NRXN3: variants seen among roughly 807,000 people sequenced by gnomAD.
The protein encoded by NRXN3 is neurexin 3.
A neutral mutation model predicts 137.6 loss-of-function variants in NRXN3; 32 were observed. The observed-to-expected ratio is 0.23, with a 90% CI of 0.18 to 0.31. The LOEUF (loss-of-function observed/expected upper bound fraction) is 0.31, where lower values mean the gene tolerates loss of function less well. Ranked by LOEUF, NRXN3 falls within the 10% of genes least tolerant of loss-of-function variation. NRXN3 has a pLI of 1.00. For missense variants in NRXN3, 1,574 were observed against 2,062.5 expected, an observed-to-expected ratio of 0.76 and a Z score of 4.59; for synonymous variants, 798 against 784.5, an observed-to-expected ratio of 1.02 and a Z score of -0.29.
intron 10 of NRXN3, among the ~76,000 whole-genome samples, chr14:78,887,991 T>A (rs1424713276): frequency 6.6e-6 from 1 of 152,040 alleles, no homozygotes; most frequent in Non-Finnish European, 1.5e-5. Flanking sequence ...ATTTATTAAA[T>A]CATCTGGGTA....
At chr14:79,276,315 T>C (rs536701997) in intron 15 of NRXN3, among the ~76,000 whole-genome samples, 1 of 152,162 alleles carries the variant, frequency 6.6e-6, no homozygotes, top group South Asian at 2.1e-4. Flanking sequence ...ATGAAAAAAT[T>C]AACAGTGGGG....
At chr14:78,231,804 A>C (rs1371517051) in intron 1 of NRXN3, among the ~76,000 whole-genome samples, 2 of 152,244 alleles carry the variant, frequency 1.3e-5, no homozygotes, top group South Asian at 4.1e-4. Flanking sequence ...CGCGTTGCCC[A>C]GAGCAAGTGT....
At chr14:79,509,605 A>G (rs1601431494) in intron 16 of NRXN3, among the ~76,000 whole-genome samples, 1 of 151,516 alleles carries the variant, frequency 6.6e-6, no homozygotes, top group East Asian at 1.9e-4. Context: ...ATGTGTATAT[A>G]TGTATATATG....
rs149770749 is a variant in NRXN3 at position 79,184,337 on chromosome 14, G to T, written c.3262+196196G>T. On this transcript the variant is annotated intron_variant, in intron 15 of 20. Coordinates refer to ENST00000335750, the MANE Select transcript of NRXN3 (RefSeq NM_001330195.2). Reference sequence around the variant, plus strand: ...ATGATTCATGCTTATTGGTGAAAAAGAATAAGATATAAAGAAAAAGATTCC... The same window carrying T: ...ATGATTCATGCTTATTGGTGAAAAATAATAAGATATAAAGAAAAAGATTCC... Among the ~76,000 whole-genome samples the T allele has an allele frequency of 5.3e-4, 80 of 152,272 alleles. 1 individual carries two copies. The highest frequency in any genetic ancestry group is 1.9e-3 in the African/African-American group (79 of 41,566).
chr14:79,303,236 T>C (rs2085450002), intron 15 of NRXN3, among the ~76,000 whole-genome samples: 2 of 152,058 alleles, frequency 1.3e-5, no homozygotes, highest in African/African-American at 2.4e-5. Flanking sequence ...TGTCTAGATC[T>C]TCTTTGGAAA....
At chr14:78,987,019 C>CAAAAAAAAAAAAAAAAAAAAAAAAA (rs36081362) in intron 14 of NRXN3, among the ~76,000 whole-genome samples, 1 of 54,102 alleles carries the variant, frequency 1.8e-5, no homozygotes. Context: ...GAGACTGTCT[C>CAAAAAAAAAAAAAAAAAAAAAAAAA]AAAAAAAAAA....
At chr14:79,003,153 T>G (rs2099545209) in intron 15 of NRXN3, among the ~76,000 whole-genome samples, 1 of 152,154 alleles carries the variant, frequency 6.6e-6, no homozygotes, top group South Asian at 2.1e-4. Flanking sequence ...ATATCCTGAA[T>G]TTTTAAGGCA....
At position 79,454,090 on chromosome 14, in the gene NRXN3, T is replaced by G. The variant is rs142677824; in HGVS notation, c.3263-13131T>G. ...TCTTTGAAAAATTGATATGGAACTT[T>G]GTTTTTTTTTTTAAGACAGAGTCTC... On this transcript the variant is annotated intron_variant, in intron 15 of 20. Coordinates refer to ENST00000335750, the MANE Select transcript of NRXN3 (RefSeq NM_001330195.2). 2.8e-3 allele frequency among the ~76,000 whole-genome samples: 426 copies of G among 151,066 alleles called. 4 individuals are homozygous for G. The Middle Eastern group carries it at 0.072, about 26-fold the overall frequency.
chr14:79,459,859 A>G (rs2096305773), intron 15 of NRXN3, among the ~76,000 whole-genome samples: 1 of 152,104 alleles, frequency 6.6e-6, no homozygotes, highest in African/African-American at 2.4e-5. Flanking sequence ...CCTTTAAGCA[A>G]GAGGGAATTT....
rs869266975 is a variant in NRXN3, at chr14:79,059,250, C to CT, written c.3262+71134dup. Among the ~76,000 whole-genome samples, 431 of 78,242 alleles carry CT rather than the reference C, an allele frequency of 5.5e-3. 22 individuals are homozygous for CT. The highest frequency in any genetic ancestry group is 0.019 in the African/African-American group (365 of 19,608). 51.3% of individuals were successfully genotyped at this position (78,242 alleles called of 152,430 possible). On this transcript the variant is annotated intron_variant, in intron 15 of 20. Coordinates refer to ENST00000335750, the MANE Select transcript of NRXN3 (RefSeq NM_001330195.2). ...AAGAAGGCTGCCTTCAGGCCCTATT[C>CT]TTTTTTTTTTTTTTTTTTTTTTTTT...
chr14:79,392,969 CAA>C (rs3036678), intron 15 of NRXN3, among the ~76,000 whole-genome samples: 4 of 60,702 alleles, frequency 6.6e-5, no homozygotes, highest in East Asian at 1.0e-3. Flanking sequence ...GGCTCCATCT[CAA>C]AAAAAAAAAA....
chr14:79,490,441 G>C (rs2153655610), intron 16 of NRXN3, among the ~76,000 whole-genome samples: 1 of 152,150 alleles, frequency 6.6e-6, no homozygotes, highest in East Asian at 1.9e-4. Context: ...TGAATGGATA[G>C]AAAAAATGTG....
intron 10 of NRXN3, among the ~76,000 whole-genome samples, chr14:78,827,400 C>CAT (rs1009966827): frequency 7.9e-5 from 12 of 152,032 alleles, no homozygotes; most frequent in African/African-American, 2.7e-4. Context: ...CATATGGACG[C>CAT]ATATATATGG....
rs1489468950 is a variant in NRXN3, at chr14:79,287,208, T to C, written c.3263-180013T>C. Reference sequence around the variant, plus strand: ...GAGTAAATGTAGATGAGAAACACTTTACTGTATTTTCATGTTTATGGCACT... The same window carrying C: ...GAGTAAATGTAGATGAGAAACACTTCACTGTATTTTCATGTTTATGGCACT... On this transcript the variant is annotated intron_variant, in intron 15 of 20. Coordinates refer to ENST00000335750, the MANE Select transcript of NRXN3 (RefSeq NM_001330195.2). Among the ~76,000 whole-genome samples, 14 of 152,294 alleles carry C rather than the reference T, an allele frequency of 9.2e-5. No individual in the cohort carries two copies. The South Asian group carries it at 2.9e-3, about 32-fold the overall frequency.
chr14:79,543,445 C>T (rs1018816903), intron 16 of NRXN3, among the ~76,000 whole-genome samples: 1 of 152,156 alleles, frequency 6.6e-6, no homozygotes, highest in Non-Finnish European at 1.5e-5. Context: ...TTAGAGTCCC[C>T]TGACAGAGAG....
chr14:78,800,913 T>A (rs1340067654), intron 8 of NRXN3, among the ~76,000 whole-genome samples: 1 of 152,224 alleles, frequency 6.6e-6, no homozygotes, highest in Non-Finnish European at 1.5e-5. Context: ...CCATTTACTT[T>A]CCAGTAGATG....
intron 20 of NRXN3, among the ~76,000 whole-genome samples, chr14:79,840,391 G>C (rs1057231010): frequency 6.6e-6 from 1 of 152,064 alleles, no homozygotes; most frequent in Non-Finnish European, 1.5e-5. Flanking sequence ...TAAATCTTCA[G>C]AGTCCCTCTG....
intron 15 of NRXN3, among the ~76,000 whole-genome samples, chr14:79,318,698 GCTT>G (rs1246460801): frequency 6.6e-6 from 1 of 152,082 alleles, no homozygotes; most frequent in Non-Finnish European, 1.5e-5. Flanking sequence ...GGGTGCCTCT[GCTT>G]CTTTTATTTC....
At chr14:79,435,987 G>C (rs547000911) in intron 15 of NRXN3, among the ~76,000 whole-genome samples, 3 of 151,970 alleles carry the variant, frequency 2.0e-5, no homozygotes, top group Non-Finnish European at 2.9e-5. Flanking sequence ...AGGGAGAGAG[G>C]CTCTCCTTGA....
Sources: gnomAD v4.1 joint callset for allele counts (sites outside exome capture counted in the v4.1 genomes callset) on GRCh38, gnomAD v4.1.1 for gene constraint, MANE v1.5 for transcripts, NCBI Gene and HGNC (gene_info 2026-07-23, HGNC 2026-07-21) for gene names.